NAALADL2: variants seen among roughly 807,000 people sequenced by gnomAD.
NAALADL2 encodes the protein N-acetylated alpha-linked acidic dipeptidase like 2.
NAALADL2 carries 76 observed loss-of-function variants against 87.2 expected under a neutral mutation model. That is an observed-to-expected ratio of 0.87 (90% CI 0.72 to 1.05). The LOEUF is 1.05. Among genes scored for constraint, NAALADL2 ranks in the 50% least tolerant of loss-of-function variants. The probability of loss-of-function intolerance (pLI) is 0.00; values close to 1 mark genes in which losing one functional copy is unlikely to be tolerated. For missense variants in NAALADL2, 1,089 were observed against 945.8 expected (o/e 1.15, Z -1.99); for synonymous variants, 354 against 331.0 (o/e 1.07, Z -0.75).
At chr3:175,160,349 ATCTTTTCTT>A (rs1732968791) in intron 2 of NAALADL2, among the ~76,000 whole-genome samples, 1 of 93,256 alleles carries the variant, frequency 1.1e-5, no homozygotes, top group African/African-American at 3.5e-5. Flanking sequence ...TTATATGTGT[ATCTTTTCTT>A]TCTTTTTTTT....
At chr3:174,765,104 A>G (rs1713606325) in intron 3 of NAALADL2, among the ~76,000 whole-genome samples, 1 of 149,250 alleles carries the variant, frequency 6.7e-6, no homozygotes, top group African/African-American at 2.5e-5. Context: ...GATAAAATAC[A>G]CACAGAAATA....
chr3:175,575,573 C>T (rs1718749645), intron 9 of NAALADL2, among the ~76,000 whole-genome samples: 2 of 152,096 alleles, frequency 1.3e-5, no homozygotes, highest in Admixed American at 6.6e-5. Flanking sequence ...GGGTGAGCCA[C>T]CACGCCCGGC....
intron 2 of NAALADL2, among the ~76,000 whole-genome samples, chr3:175,232,160 G>A (rs34873934): frequency 0.2 from 30,073 of 150,892 alleles, 3,184 homozygotes; most frequent in East Asian, 0.3. Flanking sequence ...GAAGAAGAAG[G>A]GGGAGGAGGA....
chr3:175,502,228 G>GGTGT (rs3040528), intron 9 of NAALADL2, among the ~76,000 whole-genome samples: 12,114 of 147,308 alleles, frequency 0.082, 528 homozygotes, highest in South Asian at 0.12. Context: ...CATTATCCTG[G>GGTGT]GTGTGTGTGT....
chr3:175,072,252 A>G (rs1261147696), intron 1 of NAALADL2, among the ~76,000 whole-genome samples: 2 of 152,146 alleles, frequency 1.3e-5, no homozygotes, highest in Non-Finnish European at 2.9e-5. Flanking sequence ...GCCATAGGCA[A>G]GTGACCTAAC....
At position 175,327,492 on chromosome 3, in the gene NAALADL2, A is replaced by G. The variant is rs1009374046; in HGVS notation, c.1090+3167A>G. On this transcript the variant is annotated intron_variant, in intron 5 of 13. Coordinates refer to ENST00000454872, the MANE Select transcript of NAALADL2 (RefSeq NM_207015.3). Reference sequence around the variant, plus strand: ...ATTTCTACCATTTTTGTTTTTTTATATGTACGTTCCCACAACACCAGTATT... The same window carrying G: ...ATTTCTACCATTTTTGTTTTTTTATGTGTACGTTCCCACAACACCAGTATT... Among the ~76,000 whole-genome samples, 4 of 152,000 alleles carry G rather than the reference A, an allele frequency of 2.6e-5. No homozygotes were observed. In the East Asian group the frequency reaches 7.7e-4, roughly 29 times the overall value.
rs1560943602 is a variant in NAALADL2 at position 175,667,239 on chromosome 3, GAAAAAGAAAGAAAGAAAGAAAGA to G, written c.1896+39856_1896+39878del. Among the ~76,000 whole-genome samples the G allele has an allele frequency of 5.7e-3, 464 of 82,050 alleles. 5 individuals carry two copies. The highest frequency in any genetic ancestry group is 7.7e-3 in the African/African-American group (113 of 14,634). The allele number at this position is 82,050 out of a possible 152,430, so 53.8% of individuals were successfully genotyped here. A position where few individuals can be genotyped will look rare whatever the true frequency, so the allele number is the denominator to read the frequency against. On this transcript the variant is annotated intron_variant, in intron 11 of 13. Coordinates refer to ENST00000454872, the MANE Select transcript of NAALADL2 (RefSeq NM_207015.3). Reference sequence around the variant, plus strand: ...AGAAAGAAAGAAAGAAAGAAAGAAAGAAAAAGAAAGAAAGAAAGAAAGAAAGGAAGGAAGGGATGGGGATCTGA... The same window carrying G: ...AGAAAGAAAGAAAGAAAGAAAGAAAGAAGGAAGGAAGGGATGGGGATCTGA...
At chr3:174,743,065 T>C (rs573339375) in intron 3 of NAALADL2, among the ~76,000 whole-genome samples, 1 of 151,906 alleles carries the variant, frequency 6.6e-6, no homozygotes, top group Admixed American at 6.6e-5. Flanking sequence ...CCACATTCAC[T>C]AATTCCTGGT....
At chr3:175,628,377 C>G (rs1727290309) in intron 11 of NAALADL2, among the ~76,000 whole-genome samples, 1 of 151,526 alleles carries the variant, frequency 6.6e-6, no homozygotes, top group Non-Finnish European at 1.5e-5. Context: ...TTATCATGGA[C>G]ATAACCCCAT....
chr3:175,169,195 GCTTA>G (rs773986696), intron 2 of NAALADL2, among the ~76,000 whole-genome samples: 8 of 151,552 alleles, frequency 5.3e-5, no homozygotes, highest in Non-Finnish European at 1.0e-4. Flanking sequence ...TTCTACAAAT[GCTTA>G]CTTCAAACAT....
intron 5 of NAALADL2, among the ~76,000 whole-genome samples, chr3:175,438,398 A>C (rs1473547356): frequency 6.6e-6 from 1 of 152,138 alleles, no homozygotes; most frequent in Admixed American, 6.6e-5. Context: ...CTAAAATAAA[A>C]ATGAAAAAAC....
At chr3:175,325,691 G>C (rs1397506369) in intron 5 of NAALADL2, among the ~76,000 whole-genome samples, 1 of 152,154 alleles carries the variant, frequency 6.6e-6, no homozygotes, top group Non-Finnish European at 1.5e-5. Flanking sequence ...TCTTGCCCCA[G>C]GTCATTTCAT....
At chr3:175,723,771 A>T (rs1379608755) in intron 11 of NAALADL2, among the ~76,000 whole-genome samples, 1 of 152,106 alleles carries the variant, frequency 6.6e-6, no homozygotes, top group Non-Finnish European at 1.5e-5. Flanking sequence ...TCCTTTAAAA[A>T]AATCCTTCCA....
At chr3:174,529,995 A>G (rs1721095062) in intron 1 of NAALADL2, among the ~76,000 whole-genome samples, 1 of 152,110 alleles carries the variant, frequency 6.6e-6, no homozygotes, top group Non-Finnish European at 1.5e-5. Flanking sequence ...ATTACTTAAC[A>G]CAAATTTCTG....
chr3:175,532,949 C>A (rs1307415838), intron 9 of NAALADL2, among the ~76,000 whole-genome samples: 1 of 152,170 alleles, frequency 6.6e-6, no homozygotes, highest in Non-Finnish European at 1.5e-5. Context: ...AGTGACTAAT[C>A]CACTCCATCA....
At chr3:175,660,337 C>T (rs578056562) in intron 11 of NAALADL2, among the ~76,000 whole-genome samples, 2 of 152,236 alleles carry the variant, frequency 1.3e-5, no homozygotes, top group African/African-American at 4.8e-5. Flanking sequence ...GTTGTAATGA[C>T]TGAAAAAACT....
At chr3:174,678,737 G>T (rs2082992033) in intron 2 of NAALADL2, among the ~76,000 whole-genome samples, 1 of 152,088 alleles carries the variant, frequency 6.6e-6, no homozygotes, top group South Asian at 2.1e-4. Flanking sequence ...GTTTAGAATT[G>T]TTATATTCCA....
chr3:175,248,057 T>C (rs760318178), intron 3 of NAALADL2, among the ~76,000 whole-genome samples: 74 of 152,330 alleles, frequency 4.9e-4, no homozygotes, highest in Admixed American at 1.1e-3. Context: ...TGCCTTTCCT[T>C]TTACCTTCTA....
At chr3:175,181,758 T>TGTATATATGA (rs1736576256) in intron 2 of NAALADL2, among the ~76,000 whole-genome samples, 1 of 136,290 alleles carries the variant, frequency 7.3e-6, no homozygotes, top group Non-Finnish European at 1.6e-5. Context: ...TATATATGTG[T>TGTATATATGA]GTATATATGT....
Sources: allele counts gnomAD v4.1 joint callset (sites outside exome capture counted in the v4.1 genomes callset), GRCh38; gene constraint gnomAD v4.1.1; transcripts MANE v1.5; gene names NCBI Gene and HGNC (gene_info 2026-07-23, HGNC 2026-07-21).